AMOTL1: variants seen among roughly 807,000 people sequenced by gnomAD.
The protein encoded by AMOTL1 is angiomotin like 1, also known as angiomotin-like protein 1.
A neutral mutation model predicts 102.9 loss-of-function variants in AMOTL1; 45 were observed. The ratio of observed to expected loss-of-function variants is 0.44; its 90% CI spans 0.34 to 0.56. The LOEUF (loss-of-function observed/expected upper bound fraction) is 0.56. AMOTL1 is among the 20% of genes least tolerant of loss of function. The pLI is 0.01. For missense variants in AMOTL1, 1,114 were observed against 1,225.6 expected, an observed-to-expected ratio of 0.91 and a Z score of 1.36; for synonymous variants, 481 against 484.7, an observed-to-expected ratio of 0.99 and a Z score of 0.10.
chr11:94,841,852 G>A (rs1193941793), intron 6 of AMOTL1, among the ~76,000 whole-genome samples: 1 of 152,174 alleles, frequency 6.6e-6, no homozygotes, highest in Non-Finnish European at 1.5e-5. Flanking sequence ...AAAGTGCAAT[G>A]TGAGGAATAA....
intron 12 of AMOTL1, 133 bp downstream of exon 12, chr11:94,869,606 A>G (rs1952954027): frequency 9.7e-7 from 1 of 1,028,464 alleles, no homozygotes; most frequent in South Asian, 1.7e-5. Flanking sequence ...ATTCTAATGC[A>G]CTTAGGATAT....
At chr11:94,814,204 T>G (rs1402004512) in intron 3 of AMOTL1, among the ~76,000 whole-genome samples, 1 of 152,224 alleles carries the variant, frequency 6.6e-6, no homozygotes, top group Admixed American at 6.5e-5. Flanking sequence ...CAGGTGATAG[T>G]GCTTTCTTGA....
Position 94,712,659 on chromosome 11 carries a change from C to G in AMOTL1, c.-51+6062C>G, listed in dbSNP as rs181871047. ...AAAACACAAATAACCCCACTATATT[C>G]TAATTGGATTGTTTTGTTGTTGTTG... On this transcript the variant is annotated intron_variant, in intron 1 of 4. Transcript: ENST00000299004. 3.3e-4 allele frequency among the ~76,000 whole-genome samples: 50 copies of G among 150,364 alleles called. No homozygotes were observed. In the East Asian group the frequency reaches 9.0e-3, roughly 27 times the overall value.
chr11:94,720,327 G>C (rs139184800), intron 1 of AMOTL1, among the ~76,000 whole-genome samples: 36 of 152,198 alleles, frequency 2.4e-4, no homozygotes, highest in African/African-American at 8.4e-4. Context: ...TACAGGAATC[G>C]CATGGAAAAC....
intron 1 of AMOTL1, among the ~76,000 whole-genome samples, chr11:94,707,975 C>G (rs1949957861): frequency 6.6e-6 from 1 of 152,180 alleles, no homozygotes; most frequent in African/African-American, 2.4e-5. Context: ...CCAGCAGCAT[C>G]CAGAATGATG....
intron 9 of AMOTL1, among the ~76,000 whole-genome samples, chr11:94,863,311 G>C (rs1336157330): frequency 1.3e-5 from 2 of 151,498 alleles, no homozygotes; most frequent in African/African-American, 4.9e-5. Context: ...AAAGTTTTCA[G>C]GCGGGGCGCG....
At chr11:94,802,054 C>T (rs190335964) in intron 3 of AMOTL1, among the ~76,000 whole-genome samples, 63 of 152,272 alleles carry the variant, frequency 4.1e-4, no homozygotes, top group African/African-American at 1.5e-3. Context: ...ACTGGCTTCC[C>T]AGCACTGACA....
At chr11:94,723,328 T>C (rs1194528672) in intron 1 of AMOTL1, among the ~76,000 whole-genome samples, 1 of 152,120 alleles carries the variant, frequency 6.6e-6, no homozygotes, top group Non-Finnish European at 1.5e-5. Flanking sequence ...TAGGTCTGCC[T>C]GGTAGGGTTT....
chr11:94,800,162 C>G lies in AMOTL1; in HGVS notation c.972C>G (p.Val324=). 1 of 1,613,994 alleles carries G rather than the reference C, an allele frequency of 6.2e-7. No individual in the cohort carries two copies. Among genetic ancestry groups the G allele is most frequent in the Non-Finnish European group, 8.5e-7 (1 of 1,179,894 alleles). ...AGACCAAGCAAATGATGTCCCCAGT[C>G]AGCAAGACCCAGGAGCACGGACTTT... is the stretch of plus-strand genomic sequence containing the variant. The part of the protein sequence containing the change: ...PFKTKQMMSP[V]SKTQEHGLFY... Residue 324 remains valine, a synonymous_variant, in exon 3 of 13, where the codon GTC becomes GTG. Coordinates refer to ENST00000433060, the MANE Select transcript of AMOTL1 (RefSeq NM_130847.3).
At chr11:94,857,270 T>C (rs1359017136) in intron 8 of AMOTL1, among the ~76,000 whole-genome samples, 3 of 152,258 alleles carry the variant, frequency 2.0e-5, no homozygotes, top group Non-Finnish European at 4.4e-5. Context: ...CTCTCACTGC[T>C]GTTCTCATTG....
chr11:94,768,179 G>A (rs1950879087), upstream of AMOTL1: 1 of 768,970 alleles, frequency 1.3e-6, no homozygotes. Context: ...TTGAGCTCTG[G>A]GCAATTTCAG....
At chr11:94,810,095 G>A (rs1951645969) in intron 3 of AMOTL1, among the ~76,000 whole-genome samples, 1 of 151,938 alleles carries the variant, frequency 6.6e-6, no homozygotes, top group Non-Finnish European at 1.5e-5. Flanking sequence ...CCCTAAATTT[G>A]CATATTAAAG....
intron 3 of AMOTL1, among the ~76,000 whole-genome samples, chr11:94,752,819 G>C (rs1950673309): frequency 6.6e-6 from 1 of 152,162 alleles, no homozygotes; most frequent in Non-Finnish European, 1.5e-5. Flanking sequence ...AATGAATCCT[G>C]TGGAAAATAC....
intron 1 of AMOTL1, among the ~76,000 whole-genome samples, chr11:94,721,357 A>G (rs150486256): frequency 1.6e-4 from 24 of 152,202 alleles, no homozygotes; most frequent in African/African-American, 5.5e-4. Flanking sequence ...AAAATATATT[A>G]TTAAAATTAA....
intron 2 of AMOTL1, among the ~76,000 whole-genome samples, chr11:94,736,946 A>G (rs1177479120): frequency 6.6e-6 from 1 of 152,256 alleles, no homozygotes; most frequent in Non-Finnish European, 1.5e-5. Flanking sequence ...TGTTTAATTA[A>G]TATGAAACAT....
At chr11:94,707,021 T>G (rs944786866) in intron 1 of AMOTL1, among the ~76,000 whole-genome samples, 4 of 152,090 alleles carry the variant, frequency 2.6e-5, no homozygotes, top group African/African-American at 7.2e-5. Context: ...GAGCCTTGAT[T>G]TGCTGTTTCG....
At chr11:94,842,443 A>G (rs11020961) in intron 6 of AMOTL1, among the ~76,000 whole-genome samples, 19,904 of 152,246 alleles carry the variant, frequency 0.13, 1,698 homozygotes, top group Non-Finnish European at 0.18. Flanking sequence ...GGAGAAGCCT[A>G]TAGCCTTTAG....
chr11:94,754,254 G>C (rs779234714), intron 3 of AMOTL1, among the ~76,000 whole-genome samples: 1 of 152,174 alleles, frequency 6.6e-6, no homozygotes, highest in South Asian at 2.1e-4. Flanking sequence ...GAGAGGCCAG[G>C]CTGGCTTTCC....
chr11:94,707,792 A>C (rs1353338422), intron 1 of AMOTL1, among the ~76,000 whole-genome samples: 1 of 152,020 alleles, frequency 6.6e-6, no homozygotes, highest in Non-Finnish European at 1.5e-5. Context: ...ACTTCCTCAC[A>C]TTTTCACATC....
Sources: gnomAD v4.1 joint callset for allele counts (sites outside exome capture counted in the v4.1 genomes callset) on GRCh38, gnomAD v4.1.1 for gene constraint, MANE v1.5 for transcripts, NCBI Gene and HGNC (gene_info 2026-07-23, HGNC 2026-07-21) for gene names.